POR: variants seen among roughly 807,000 people sequenced by gnomAD.
POR encodes the protein NADPH--cytochrome P450 reductase.
A neutral mutation model predicts 84.0 loss-of-function variants in POR; 56 were observed. The observed-to-expected ratio is 0.67, with a 90% CI of 0.54 to 0.83. The LOEUF (loss-of-function observed/expected upper bound fraction) is 0.83, where lower values mean the gene tolerates loss of function less well. Ranked by LOEUF, POR falls within the 40% of genes least tolerant of loss-of-function variation. The probability of loss-of-function intolerance (pLI) is 0.00; values close to 1 mark genes in which losing one functional copy is unlikely to be tolerated. For missense variants in POR, 938 were observed against 944.3 expected (o/e 0.99, Z 0.09); for synonymous variants, 414 against 400.5 (o/e 1.03, Z -0.40).
At chr7:75,931,528 G>A (rs1387282868) in intron 1 of POR, among the ~76,000 whole-genome samples, 2 of 151,734 alleles carry the variant, frequency 1.3e-5, no homozygotes, top group Admixed American at 6.6e-5. Flanking sequence ...CATCACACCC[G>A]ACTAATTTTT....
At position 75,986,250 on chromosome 7, in the gene POR, G is replaced by C. The variant is rs782024811; in HGVS notation, c.1898+9G>C. 2.2e-5 allele frequency: 36 copies of C among 1,612,560 alleles called. No individual in the cohort carries two copies. The highest frequency in any genetic ancestry group is 8.5e-7 in the Non-Finnish European group (1 of 1,179,820). On this transcript the variant is annotated intron_variant, in intron 15 of 15. Transcript: ENST00000461988. ...CACATCTACGTCTGTGGGTGAGTGA[G>C]TGGGGTCACTGGAATAGGGGGCAGG...
chr7:75,932,357 T>A (rs1428141348), intron 1 of POR, among the ~76,000 whole-genome samples: 2 of 152,102 alleles, frequency 1.3e-5, no homozygotes, highest in African/African-American at 4.8e-5. Context: ...ATTGTTGTAT[T>A]GTTTTATAGA....
intron 1 of POR, among the ~76,000 whole-genome samples, chr7:75,935,983 C>T (rs1554550759): frequency 6.6e-6 from 1 of 151,682 alleles, no homozygotes; most frequent in Non-Finnish European, 1.5e-5. Flanking sequence ...TGCCAGGCCT[C>T]TCCCTTTGGC....
At chr7:75,932,037 TAGC>T (rs1264583837) in intron 1 of POR, among the ~76,000 whole-genome samples, 1 of 152,182 alleles carries the variant, frequency 6.6e-6, no homozygotes, top group Non-Finnish European at 1.5e-5. Context: ...CTCTTCAGCT[TAGC>T]AGCGTGCCTT....
chr7:75,968,685 G>A (rs886986360), intron 2 of POR, among the ~76,000 whole-genome samples: 2 of 152,216 alleles, frequency 1.3e-5, no homozygotes, highest in African/African-American at 4.8e-5. Context: ...AGAGGCACAG[G>A]TCCGCCTCCA....
At chr7:75,941,520 C>CT (rs1807979549) in intron 1 of POR, among the ~76,000 whole-genome samples, 2 of 152,150 alleles carry the variant, frequency 1.3e-5, no homozygotes, top group South Asian at 4.1e-4. Context: ...CAGTACAGAG[C>CT]TCCGGTAACT....
chr7:75,986,496 C>T lies in POR; in HGVS notation c.*15C>T. 1 of 1,604,086 alleles carries T rather than the reference C, an allele frequency of 6.2e-7. No homozygotes were observed. Among genetic ancestry groups the T allele is most frequent in the Non-Finnish European group, 8.5e-7 (1 of 1,178,698 alleles). On this transcript the variant is annotated 3_prime_UTR_variant, in exon 16 of 16. Coordinates refer to ENST00000461988, the MANE Select transcript of POR (RefSeq NM_000941.3). ...TGTGGAGCTAGGGGCCTGCCTGCCC[C>T]ACCCACCCCACAGACTCCGGCCTGT...
intron 1 of POR, among the ~76,000 whole-genome samples, chr7:75,932,024 C>T (rs1018882845): frequency 2.0e-5 from 3 of 152,158 alleles, no homozygotes; most frequent in South Asian, 2.1e-4. Flanking sequence ...GAATTGCTCC[C>T]GTCTCTTCAG....
At position 75,954,178 on chromosome 7, in the gene POR, A is replaced by G; in HGVS notation, c.186A>G (p.Thr62=). The G allele has an allele frequency of 1.2e-6, 2 of 1,606,934 alleles. No individual in the cohort carries two copies. The highest frequency in any genetic ancestry group is 1.1e-5 in the South Asian group (1 of 89,710). Residue 62 remains threonine (T), a splice_region_variant and synonymous_variant, in exon 2 of 16, where the codon ACA becomes ACG. Coordinates refer to ENST00000461988, the MANE Select transcript of POR (RefSeq NM_000941.3). ...TCCCCGAGTTCACCAAAATTCAGACATTGTAAGTGCCGCCTCTCAGCCTCC... is the reference window on the plus strand; with the variant it reads ...TCCCCGAGTTCACCAAAATTCAGACGTTGTAAGTGCCGCCTCTCAGCCTCC...
intron 1 of POR, among the ~76,000 whole-genome samples, chr7:75,931,222 T>C (rs536539102): frequency 2.6e-5 from 4 of 152,286 alleles, no homozygotes; most frequent in South Asian, 4.1e-4. Flanking sequence ...CGATGAAATG[T>C]TACTCAGGCA....
chr7:75,942,696 C>G lies in POR; in HGVS notation c.-4-11293C>G, dbSNP rs567611220. ...CAAGGTTTGAGCTCAAAAAAATGTG[C>G]AAAGGTTTTTCACTTGTTCTAACCT... On this transcript the variant is annotated intron_variant, in intron 1 of 15. Coordinates refer to ENST00000461988, the MANE Select transcript of POR (RefSeq NM_000941.3). Among the ~76,000 whole-genome samples, 283 of 151,796 alleles carry G rather than the reference C, an allele frequency of 1.9e-3. 4 individuals are homozygous for G. The highest frequency in any genetic ancestry group is 6.7e-3 in the African/African-American group (276 of 41,248).
chr7:75,980,275 T>C, intron 4 of POR, 64 bp from the exon 5 acceptor site: 1 of 1,562,262 alleles, frequency 6.4e-7, no homozygotes, highest in Non-Finnish European at 8.7e-7. Flanking sequence ...CCCCATCTGG[T>C]GCGGGTTGAA....
rs1789043572 is a variant in POR, at chr7:75,981,532, C to T, written c.657C>T (p.Phe219=). The T allele has an allele frequency of 1.2e-6, 2 of 1,612,708 alleles. No homozygotes were observed. The highest frequency in any genetic ancestry group is 3.3e-4 in the Middle Eastern group (2 of 6,058). ...CTCGGCCCAGCTTGGAGGAGGACTT[C>T]ATCACCTGGCGAGAGCAGTTCTGGC... The change falls in exon 7 of 16, where the codon TTC becomes TTT. Residue 219 remains phenylalanine (F), a synonymous_variant. Coordinates refer to ENST00000461988, the MANE Select transcript of POR (RefSeq NM_000941.3).
intron 2 of POR, among the ~76,000 whole-genome samples, chr7:75,970,683 A>G (rs1229607927): frequency 6.6e-6 from 1 of 151,518 alleles, no homozygotes; most frequent in African/African-American, 2.4e-5. Context: ...CTCTTCTTGG[A>G]AGTTGCAGTG....
intron 1 of POR, among the ~76,000 whole-genome samples, chr7:75,931,412 G>A (rs1291998261): frequency 5.9e-5 from 9 of 151,334 alleles, no homozygotes; most frequent in African/African-American, 1.7e-4. Context: ...TCTCACGCAG[G>A]CTATAATGCA....
chr7:75,986,307 C>T (rs1789459125), intron 15 of POR, 30 bp from the exon 16 acceptor site: 1 of 1,612,714 alleles, frequency 6.2e-7, no homozygotes, highest in Non-Finnish European at 8.5e-7. Context: ...ACAGTTGGCC[C>T]AGCCCCCAGC....
intron 1 of POR, chr7:75,921,393 C>A: frequency 6.6e-6 from 1 of 152,332 alleles, no homozygotes; most frequent in Non-Finnish European, 1.5e-5. Context: ...TCCCGAGTAG[C>A]TGGGATTATA....
At chr7:75,969,050 A>G (rs1224158952) in intron 2 of POR, among the ~76,000 whole-genome samples, 2 of 152,224 alleles carry the variant, frequency 1.3e-5, no homozygotes, top group Non-Finnish European at 2.9e-5. Flanking sequence ...TTCTTCAGCC[A>G]TAAGCGTCTG....
chr7:75,985,332 C>T (rs1329640884), intron 12 of POR, 125 bp downstream of exon 12: 1 of 1,316,820 alleles, frequency 7.6e-7, no homozygotes, highest in Non-Finnish European at 1.0e-6. Flanking sequence ...AGCCCCAGCG[C>T]AGCTCCAAAT....
Sources: allele counts gnomAD v4.1 joint callset (sites outside exome capture counted in the v4.1 genomes callset), GRCh38; gene constraint gnomAD v4.1.1; transcripts MANE v1.5; gene names NCBI Gene and HGNC (gene_info 2026-07-23, HGNC 2026-07-21).